The following PDE11A variants were observed in gnomAD, a reference collection of about 807,000 sequenced individuals.
The protein encoded by PDE11A is phosphodiesterase 11A.
Under a neutral mutation model 100.5 loss-of-function variants are expected in PDE11A, and 100 were observed. The ratio of observed to expected loss-of-function variants is 1.00; its 90% CI spans 0.85 to 1.18. PDE11A has a LOEUF of 1.18. Among genes scored for constraint, PDE11A ranks in the 50% most tolerant of loss-of-function variants. The pLI, the probability that PDE11A is intolerant of heterozygous loss-of-function variation, is 0.00. For missense variants in PDE11A, 1,141 were observed against 1,152.6 expected (o/e 0.99, Z 0.15); for synonymous variants, 381 against 420.8 (o/e 0.91, Z 1.16).
intron 14 of PDE11A, among the ~76,000 whole-genome samples, chr2:177,699,922 A>T (rs1317153733): frequency 6.6e-6 from 1 of 152,346 alleles, no homozygotes; most frequent in East Asian, 1.9e-4. Context: ...GAAACCTGAC[A>T]TCCTGTTTAT....
At chr2:177,985,324 T>A (rs1214283584) in intron 2 of PDE11A, among the ~76,000 whole-genome samples, 1 of 152,212 alleles carries the variant, frequency 6.6e-6, no homozygotes, top group Non-Finnish European at 1.5e-5. Context: ...TCTTGAAAAG[T>A]GATCATTTAG....
intron 6 of PDE11A, among the ~76,000 whole-genome samples, chr2:177,832,238 T>C (rs1309156466): frequency 1.3e-5 from 2 of 152,178 alleles, no homozygotes; most frequent in Non-Finnish European, 1.5e-5. Context: ...GGTGTGTCTG[T>C]AAGGGTGTTA....
chr2:177,797,459 T>C (rs11684363), intron 9 of PDE11A, among the ~76,000 whole-genome samples: 24,154 of 152,104 alleles, frequency 0.16, 1,994 homozygotes, highest in Non-Finnish European at 0.17. Flanking sequence ...AAAATACATA[T>C]GCAAAACACA....
At chr2:177,954,817 T>C (rs997599728) in intron 2 of PDE11A, among the ~76,000 whole-genome samples, 1 of 152,144 alleles carries the variant, frequency 6.6e-6, no homozygotes, top group Non-Finnish European at 1.5e-5. Context: ...TCTGATTCAA[T>C]TGGTCTGGGG....
chr2:177,947,050 C>T (rs80307066), intron 2 of PDE11A, among the ~76,000 whole-genome samples: 53 of 93,824 alleles, frequency 5.6e-4, no homozygotes, highest in African/African-American at 9.0e-4. Context: ...CCGCCCCGTC[C>T]GGGAGGTGAG....
At chr2:177,757,515 A>G (rs866198780) in intron 10 of PDE11A, among the ~76,000 whole-genome samples, 2 of 152,222 alleles carry the variant, frequency 1.3e-5, no homozygotes, top group East Asian at 1.9e-4. Flanking sequence ...AATGATTGGT[A>G]TCATGTTATC....
intron 10 of PDE11A, among the ~76,000 whole-genome samples, chr2:177,765,679 T>C (rs900548633): frequency 6.6e-6 from 1 of 152,224 alleles, no homozygotes; most frequent in Admixed American, 6.5e-5. Flanking sequence ...ATGCCTTCTG[T>C]GTTTACTCAC....
chr2:178,092,797 T>G (rs1241773235), intron 2 of PDE11A: 1 of 152,288 alleles, frequency 6.6e-6, no homozygotes, highest in African/African-American at 2.4e-5. Flanking sequence ...AGATGGGGTT[T>G]CACCATGTTA....
At chr2:178,026,775 T>G (rs542317662) in intron 1 of PDE11A, among the ~76,000 whole-genome samples, 12 of 152,226 alleles carry the variant, frequency 7.9e-5, no homozygotes, top group Non-Finnish European at 1.3e-4. Flanking sequence ...TAGAAATAAG[T>G]GTATTTAGTT....
chr2:177,916,602 T>G (rs2084956457), intron 2 of PDE11A, among the ~76,000 whole-genome samples: 1 of 152,202 alleles, frequency 6.6e-6, no homozygotes, highest in Non-Finnish European at 1.5e-5. Context: ...AGTCCCTTCC[T>G]TCTATCTGTG....
At chr2:177,907,293 G>C (rs2084804675) in intron 2 of PDE11A, among the ~76,000 whole-genome samples, 1 of 151,938 alleles carries the variant, frequency 6.6e-6, no homozygotes, top group Non-Finnish European at 1.5e-5. Flanking sequence ...CTAATCTTTG[G>C]TGATTCAAAT....
chr2:177,651,598 T>A (rs1379378808), intron 19 of PDE11A, among the ~76,000 whole-genome samples: 1 of 151,206 alleles, frequency 6.6e-6, no homozygotes, highest in Non-Finnish European at 1.5e-5. Context: ...CAGCCCTTAC[T>A]GCCTCCTCTT....
chr2:177,947,637 C>G (rs1383065687), intron 2 of PDE11A, among the ~76,000 whole-genome samples: 1 of 151,734 alleles, frequency 6.6e-6, no homozygotes, highest in African/African-American at 2.4e-5. Flanking sequence ...TGCGGAAGGC[C>G]GCAGGGTCCT....
chr2:177,923,019 T>A (rs1201354252), intron 2 of PDE11A, among the ~76,000 whole-genome samples: 1 of 151,038 alleles, frequency 6.6e-6, no homozygotes, highest in Non-Finnish European at 1.5e-5. Flanking sequence ...CTTTTCGATT[T>A]GCTCTACCAT....
intron 9 of PDE11A, among the ~76,000 whole-genome samples, chr2:177,775,046 T>C (rs969499271): frequency 6.6e-6 from 1 of 152,128 alleles, no homozygotes; most frequent in African/African-American, 2.4e-5. Context: ...ATTGCTAACT[T>C]TGAAATGGAA....
At chr2:178,062,540 C>A (rs185560724) in intron 1 of PDE11A, among the ~76,000 whole-genome samples, 2 of 152,254 alleles carry the variant, frequency 1.3e-5, no homozygotes, top group Admixed American at 6.5e-5. Context: ...AAAATCTGGA[C>A]TGGTTTCTTG....
intron 1 of PDE11A, among the ~76,000 whole-genome samples, chr2:178,032,507 G>T (rs969506038): frequency 1.3e-5 from 2 of 151,238 alleles, no homozygotes; most frequent in African/African-American, 2.4e-5. Context: ...AAGGACTTGG[G>T]TTTTCCATTA....
intron 17 of PDE11A, among the ~76,000 whole-genome samples, chr2:177,672,023 C>T (rs2080690685): frequency 6.6e-6 from 1 of 152,168 alleles, no homozygotes; most frequent in African/African-American, 2.4e-5. Flanking sequence ...CACTCTCCAC[C>T]TCCTTCCATC....
intron 5 of PDE11A, among the ~76,000 whole-genome samples, chr2:177,843,059 A>G (rs986490815): frequency 4.6e-5 from 7 of 152,192 alleles, no homozygotes; most frequent in Admixed American, 4.6e-4. Flanking sequence ...GAGAAAGAGA[A>G]GAAATTTTAA....
Sources: gnomAD v4.1 joint callset for allele counts (sites outside exome capture counted in the v4.1 genomes callset) on GRCh38, gnomAD v4.1.1 for gene constraint, MANE v1.5 for transcripts, NCBI Gene and HGNC (gene_info 2026-07-23, HGNC 2026-07-21) for gene names.